Variants in CIBAR1 observed in about 807,000 individuals in gnomAD.
CIBAR1 encodes CBY1-interacting BAR domain-containing protein 1.
CIBAR1 carries 25 observed loss-of-function variants against 44.0 expected under a neutral mutation model. The observed-to-expected ratio is 0.57, with a 90% CI of 0.41 to 0.79. CIBAR1 has a LOEUF of 0.79. Ranked by LOEUF, CIBAR1 falls within the 30% of genes least tolerant of loss-of-function variation. The probability of loss-of-function intolerance (pLI) is 0.00; values close to 1 mark genes in which losing one functional copy is unlikely to be tolerated. For synonymous variants in CIBAR1, 115 were observed against 119.0 expected (o/e 0.97, Z 0.22); for missense variants, 278 against 344.8 (o/e 0.81, Z 1.53).
At position 93,729,222 on chromosome 8, in the gene CIBAR1, A is replaced by G. The variant is rs992016376; in HGVS notation, c.*925A>G. On this transcript the variant is annotated 3_prime_UTR_variant, in exon 9 of 9. Coordinates refer to ENST00000518322, the MANE Select transcript of CIBAR1 (RefSeq NM_145269.5). ...ATTAGAAAATGCAATTATTCATAAC[A>G]GAAAAATAAAGACTTTCTAGAAAGC... is the stretch of plus-strand genomic sequence containing the variant. 2 of 152,186 alleles carry G rather than the reference A, an allele frequency of 1.3e-5. No homozygotes were observed. Among genetic ancestry groups the G allele is most frequent in the African/African-American group, 4.8e-5 (2 of 41,474 alleles). The allele number at this position is 152,186 out of a possible 1,614,324, so 9.4% of individuals were successfully genotyped here.
In CIBAR1 at chr8:93,707,304, A is replaced by G. The variant is rs550244153; in HGVS notation, c.433-707A>G. 5.8e-6 allele frequency: 2 copies of G among 346,912 alleles called. 1 individual carries two copies. Among genetic ancestry groups the G allele is most frequent in the Non-Finnish European group, 1.2e-5 (2 of 173,512 alleles). The allele number at this position is 346,912 out of a possible 1,614,324, so 21.5% of individuals were successfully genotyped here. On this transcript the variant is annotated intron_variant, in intron 4 of 8. Transcript: ENST00000518322. ...TAGGTGAGTTGCTATGCTCAAGTAA[A>G]GGGATTTGAGACTTTCAGAAATAAA...
chr8:93,707,912 C>G, intron 4 of CIBAR1, 99 bp from the exon 5 acceptor site: 1 of 706,706 alleles, frequency 1.4e-6, no homozygotes. Flanking sequence ...AATATATAAC[C>G]TAATTGTAAG....
intron 2 of CIBAR1, chr8:93,701,769 A>C (rs1207904006): frequency 3.1e-6 from 1 of 324,148 alleles, no homozygotes; most frequent in Non-Finnish European, 5.7e-6. Context: ...GAAAATAAGC[A>C]TAACTTAATG....
chr8:93,721,894 C>T (rs1442333144), intron 7 of CIBAR1, among the ~76,000 whole-genome samples: 2 of 151,862 alleles, frequency 1.3e-5, no homozygotes, highest in African/African-American at 4.8e-5. Context: ...TTCTTAGAAT[C>T]TTGAGGGATG....
At chr8:93,701,595 G>C in intron 2 of CIBAR1, 137 bp downstream of exon 2, 1 of 707,262 alleles carries the variant, frequency 1.4e-6, no homozygotes, top group South Asian at 1.9e-5. Flanking sequence ...ATTTTCATAA[G>C]ACTGTGTGAG....
chr8:93,700,984 A>C (rs1444822453), intron 1 of CIBAR1: 3 of 1,395,410 alleles, frequency 2.1e-6, no homozygotes, highest in Admixed American at 3.3e-5. Context: ...CAGCCGGAGC[A>C]GCCACCTCCC....
At chr8:93,701,019 C>T (rs1264824885) in intron 1 of CIBAR1, 9 of 1,428,800 alleles carry the variant, frequency 6.3e-6, no homozygotes, top group East Asian at 2.5e-5. Flanking sequence ...CCCACCCGGC[C>T]TGGGCCTTTT....
Position 93,707,944 on chromosome 8 carries a change from A to G in CIBAR1, c.433-67A>G, listed in dbSNP as rs925254903. On this transcript the variant is annotated intron_variant, in intron 4 of 8. Coordinates refer to ENST00000518322, the MANE Select transcript of CIBAR1 (RefSeq NM_145269.5). ...TAAGTGTATATAATTCTATGAGTATATAAATTTATTGAAAAAGCTGTTATA... is the reference window on the plus strand; with the variant it reads ...TAAGTGTATATAATTCTATGAGTATGTAAATTTATTGAAAAAGCTGTTATA... 1.2e-5 allele frequency: 13 copies of G among 1,051,066 alleles called. No individual in the cohort carries two copies. In the African/African-American group the frequency reaches 1.6e-4, roughly 13 times the overall value. 65.1% of individuals were successfully genotyped at this position (1,051,066 alleles called of 1,614,324 possible).
intron 2 of CIBAR1, chr8:93,702,231 G>A (rs1471172189): frequency 7.0e-6 from 3 of 431,426 alleles, no homozygotes; most frequent in Non-Finnish European, 1.4e-5. Context: ...ACTCATCATT[G>A]CTATCCATAC....
intron 6 of CIBAR1, among the ~76,000 whole-genome samples, chr8:93,712,833 A>T (rs1242485256): frequency 6.9e-6 from 1 of 144,744 alleles, no homozygotes; most frequent in Non-Finnish European, 1.5e-5. Flanking sequence ...CTTAAGATAG[A>T]GACGAGGTCT....
intron 2 of CIBAR1, chr8:93,701,707 G>C (rs1340494323): frequency 2.1e-6 from 1 of 487,158 alleles, no homozygotes; most frequent in African/African-American, 1.9e-5. Flanking sequence ...GCCAACTTTT[G>C]GCCAAGGGGT....
intron 6 of CIBAR1, among the ~76,000 whole-genome samples, chr8:93,714,218 G>A (rs533953099): frequency 2.0e-5 from 3 of 152,012 alleles, no homozygotes; most frequent in Admixed American, 1.3e-4. Context: ...TATACTTCTT[G>A]TTGCTATCGT....
intron 8 of CIBAR1, among the ~76,000 whole-genome samples, chr8:93,727,600 C>T (rs1169826657): frequency 6.6e-6 from 1 of 152,210 alleles, no homozygotes; most frequent in Admixed American, 6.5e-5. Flanking sequence ...GCATCCCCCG[C>T]CTCTACCTAC....
Position 93,728,309 on chromosome 8 carries a change from CCATTTT to C in CIBAR1, c.*16_*21del, listed in dbSNP as rs752797191. On this transcript the variant is annotated 3_prime_UTR_variant, in exon 9 of 9. Transcript: ENST00000518322. ...ATTTTCTTAAGTAAACTACACATTT[CCATTTT>C]CATCATAAATGACTTGAAATCCACA... 6.7e-6 allele frequency: 10 copies of C among 1,494,594 alleles called. No individual in the cohort carries two copies. Among genetic ancestry groups the C allele is most frequent in the Non-Finnish European group, 9.1e-6 (10 of 1,093,428 alleles). 92.6% of individuals were successfully genotyped at this position (1,494,594 alleles called of 1,614,324 possible).
At chr8:93,709,299 A>C (rs1452500393) in intron 5 of CIBAR1, among the ~76,000 whole-genome samples, 1 of 152,186 alleles carries the variant, frequency 6.6e-6, no homozygotes, top group African/African-American at 2.4e-5. Flanking sequence ...ATAAATAAAA[A>C]AGAGATAATC....
chr8:93,717,138 T>C (rs1036245636), intron 6 of CIBAR1, among the ~76,000 whole-genome samples: 2 of 152,212 alleles, frequency 1.3e-5, no homozygotes, highest in Non-Finnish European at 2.9e-5. Flanking sequence ...CACATGCCAT[T>C]GTGCCTGGCT....
rs1481674426 is a variant in CIBAR1, at chr8:93,730,792, A to G, written c.*2495A>G. 1 of 152,208 alleles carries G rather than the reference A, an allele frequency of 6.6e-6. No homozygotes were observed. Among genetic ancestry groups the G allele is most frequent in the Non-Finnish European group, 1.5e-5 (1 of 68,036 alleles). The allele number at this position is 152,208 out of a possible 1,614,324, so 9.4% of individuals were successfully genotyped here. On this transcript the variant is annotated 3_prime_UTR_variant, in exon 9 of 9. Coordinates refer to ENST00000518322, the MANE Select transcript of CIBAR1 (RefSeq NM_145269.5). ...CCACTTTCTGTAATCAACTTTTTATAATGAAGTTTAAAAATATTAAGCCCT... is the reference window on the plus strand; with the variant it reads ...CCACTTTCTGTAATCAACTTTTTATGATGAAGTTTAAAAATATTAAGCCCT...
In CIBAR1 at chr8:93,718,755, T is replaced by C. The variant is rs761445666; in HGVS notation, c.624T>C (p.Asn208=). ...AGGTCTACACTGCTGCCTACCAGAATATACAAAACATTGATGAAGATGAAG... is the reference window on the plus strand; with the variant it reads ...AGGTCTACACTGCTGCCTACCAGAACATACAAAACATTGATGAAGATGAAG... ...ALEVYTAAYQ[N]IQNIDEDEDL... Residue 208 remains asparagine (N), a synonymous_variant, in exon 7 of 9, where the codon AAT becomes AAC. Coordinates refer to ENST00000518322, the MANE Select transcript of CIBAR1 (RefSeq NM_145269.5). The C allele has an allele frequency of 1.1e-5, 17 of 1,566,626 alleles. No individual in the cohort carries two copies. The Admixed American group carries it at 1.3e-4, about 12-fold the overall frequency.
chr8:93,710,836 CAAAAA>C (rs35465241), intron 6 of CIBAR1, among the ~76,000 whole-genome samples: 1 of 120,596 alleles, frequency 8.3e-6, no homozygotes, highest in African/African-American at 3.3e-5. Context: ...GACTCTGACT[CAAAAA>C]AAAAAAAAAA....
Sources: allele counts gnomAD v4.1 joint callset (sites outside exome capture counted in the v4.1 genomes callset), GRCh38; gene constraint gnomAD v4.1.1; transcripts MANE v1.5; gene names NCBI Gene and HGNC (gene_info 2026-07-23, HGNC 2026-07-21).